The following PAPLN variants were observed in gnomAD, a reference collection of about 807,000 sequenced individuals.
PAPLN encodes papilin.
PAPLN carries 146 observed loss-of-function variants against 159.0 expected under a neutral mutation model. That is an observed-to-expected ratio of 0.92 (90% CI 0.80 to 1.05). PAPLN has a LOEUF of 1.05. Ranked by LOEUF, PAPLN falls within the 50% of genes least tolerant of loss-of-function variation. PAPLN has a pLI of 0.00. For missense variants in PAPLN, 1,720 were observed against 1,743.9 expected, an observed-to-expected ratio of 0.99 and a Z score of 0.24; for synonymous variants, 734 against 702.9, an observed-to-expected ratio of 1.04 and a Z score of -0.70.
chr14:73,255,189 C>G (rs1248208814), intron 14 of PAPLN, among the ~76,000 whole-genome samples, 171 bp downstream of exon 14: 1 of 152,202 alleles, frequency 6.6e-6, no homozygotes, highest in Non-Finnish European at 1.5e-5. Context: ...TAAGGCCCAC[C>G]TGGTGTGCAG....
rs757548513 is a variant in PAPLN at position 73,251,833 on chromosome 14, C to T, written c.840C>T (p.Ile280=). The T allele has an allele frequency of 6.3e-6, 10 of 1,593,628 alleles. No homozygotes were observed. The highest frequency in any genetic ancestry group is 2.2e-5 in the South Asian group (2 of 88,946). The part of the protein sequence containing the change: ...ARGPTSEPLV[I]ELISQEPNPG... ...GCCCCACCTCGGAGCCCCTGGTCAT[C>T]GAGGTAAATGGGGGTGTGGGGAGAG... Residue 280 remains isoleucine, a synonymous_variant, in exon 9 of 27, where the codon ATC becomes ATT. Coordinates refer to ENST00000644200, the MANE Select transcript of PAPLN (RefSeq NM_001365906.3).
In PAPLN at chr14:73,265,382, C is replaced by A; in HGVS notation, c.3138C>A (p.Asp1046Glu). Residue 1046 changes from aspartate to glutamate, a missense_variant, in exon 23 of 27, where the codon GAC becomes GAA. Asp to Glu is a conservative substitution (Grantham distance 45). Coordinates refer to ENST00000644200, the MANE Select transcript of PAPLN (RefSeq NM_001365906.3). The surrounding 1 kb of genome is among the most constrained non-coding windows in gnomAD (Gnocchi z 4.1). ...HPQPANRLRL[D>E]QNQPRVVDAS... ...GCTTGTTTGGCAGGCTGCGTTTGGA[C>A]CAGAACCAGCCCCGGGTGGTGGATG... 6 of 1,610,110 alleles carry A rather than the reference C, an allele frequency of 3.7e-6. No individual in the cohort carries two copies. The highest frequency in any genetic ancestry group is 4.2e-6 in the Non-Finnish European group (5 of 1,179,916).
At chr14:73,267,001 T>C (rs1344682852) in intron 25 of PAPLN, among the ~76,000 whole-genome samples, 170 bp downstream of exon 25, 1 of 152,194 alleles carries the variant, frequency 6.6e-6, no homozygotes, top group African/African-American at 2.4e-5. Context: ...AGCAAAGCTC[T>C]GTAGGGCCAC....
At chr14:73,263,537 C>A in intron 19 of PAPLN, 108 bp from the exon 20 acceptor site, 1 of 1,452,382 alleles carries the variant, frequency 6.9e-7, no homozygotes, top group South Asian at 1.2e-5. Context: ...CCCAAAAGTG[C>A]CTGTGACAGG....
intron 17 of PAPLN, 135 bp downstream of exon 17, chr14:73,260,964 T>C (rs1886513372): frequency 1.4e-6 from 2 of 1,411,948 alleles, no homozygotes; most frequent in African/African-American, 2.9e-5. Flanking sequence ...TGGGTCATCC[T>C]CTGGAGGGCA....
rs1290151022 is a variant in PAPLN at position 73,265,414 on chromosome 14, C to T, written c.3170C>T (p.Pro1057Leu). The change falls in exon 23 of 27, where the codon CCA (proline) becomes CTA (leucine). Residue 1057 changes from proline (P) to leucine (L), a missense_variant. Transcript: ENST00000644200. This position sits in a 1 kb window ranked among gnomAD's most constrained non-coding sequence, Gnocchi z 4.1. The stretch of plus-strand genomic sequence containing the variant: ...CAGCCCCGGGTGGTGGATGCCAGTC[C>T]AGGCCAGCGGATCCGGATGACCTGC... Reference protein sequence around the residue: ...QNQPRVVDASPGQRIRMTCRA... With the variant: ...QNQPRVVDASLGQRIRMTCRA... 6.2e-7 allele frequency: 1 copy of T among 1,612,520 alleles called. No individual in the cohort carries two copies. Among genetic ancestry groups the T allele is most frequent in the Admixed American group, 1.7e-5 (1 of 60,018 alleles).
At chr14:73,271,246 A>G (rs1594840633) in intron 26 of PAPLN, among the ~76,000 whole-genome samples, 1 of 152,178 alleles carries the variant, frequency 6.6e-6, no homozygotes, top group Non-Finnish European at 1.5e-5. Flanking sequence ...TTTAGAAACA[A>G]TATGCATTAA....
chr14:73,268,114 C>T (rs1887397262), intron 25 of PAPLN, among the ~76,000 whole-genome samples: 1 of 151,828 alleles, frequency 6.6e-6, no homozygotes, highest in South Asian at 2.1e-4. Flanking sequence ...ATTCTCCCTT[C>T]CCTCTGCTCC....
Position 73,261,377 on chromosome 14 carries a change from C to T in PAPLN, c.2245+83C>T, listed in dbSNP as rs182595187. 4.0e-6 allele frequency: 6 copies of T among 1,514,422 alleles called. No homozygotes were observed. The East Asian group carries it at 1.2e-4, about 29-fold the overall frequency. The allele number at this position is 1,514,422 out of a possible 1,614,324, so 93.8% of individuals were successfully genotyped here. ...TCCAGCCCCCACCCAGGACCAAAGACCTTCCTACCAGCTCAGTTATTCATT... is the reference window on the plus strand; with the variant it reads ...TCCAGCCCCCACCCAGGACCAAAGATCTTCCTACCAGCTCAGTTATTCATT... On this transcript the variant is annotated intron_variant, in intron 18 of 26. Coordinates refer to ENST00000644200, the MANE Select transcript of PAPLN (RefSeq NM_001365906.3).
chr14:73,250,480 G>A (rs1191006439), intron 6 of PAPLN, among the ~76,000 whole-genome samples: 2 of 152,184 alleles, frequency 1.3e-5, no homozygotes, highest in African/African-American at 4.8e-5. Context: ...TTCCCAGGAG[G>A]TGTGGAGGTG....
chr14:73,237,242 T>C (rs1883086515), upstream of PAPLN, among the ~76,000 whole-genome samples: 1 of 152,018 alleles, frequency 6.6e-6, no homozygotes, highest in African/African-American at 2.4e-5. Context: ...CTAGAAGGCT[T>C]GGGCAAGGGG....
chr14:73,244,962 C>T (rs1484340174), intron 3 of PAPLN: 3 of 486,954 alleles, frequency 6.2e-6, no homozygotes, highest in Non-Finnish European at 1.1e-5. Flanking sequence ...TGAGCTGGAG[C>T]ACGCGTGCTG....
intron 17 of PAPLN, 65 bp from the exon 18 acceptor site, chr14:73,261,091 A>C: frequency 6.2e-7 from 1 of 1,612,782 alleles, no homozygotes; most frequent in Non-Finnish European, 8.5e-7. Context: ...TCCCCGTGGC[A>C]GCCCAGAGTC....
chr14:73,265,154 T>G lies in PAPLN; in HGVS notation c.3126-216T>G, dbSNP rs528179574. Among the ~76,000 whole-genome samples the G allele has an allele frequency of 2.9e-4, 44 of 151,342 alleles. 1 individual carries two copies. In the South Asian group the frequency reaches 9.0e-3, roughly 31 times the overall value. On this transcript the variant is annotated intron_variant, in intron 22 of 26. Transcript: ENST00000644200. This position sits in a 1 kb window ranked among gnomAD's most constrained non-coding sequence, Gnocchi z 4.1. ...GGTGGGTGTGTCTGGCCAGCTGTGG[T>G]GGAGGGGCAGGGAGTGGTAGTGGCG...
chr14:73,271,503 A>G (rs918503849), intron 26 of PAPLN, among the ~76,000 whole-genome samples: 2 of 143,702 alleles, frequency 1.4e-5, no homozygotes, highest in African/African-American at 5.1e-5. Context: ...GTAGAATGAA[A>G]TTTTTTTTTT....
intron 2 of PAPLN, 73 bp downstream of exon 2, chr14:73,239,905 G>A: frequency 3.4e-6 from 5 of 1,481,304 alleles, no homozygotes; most frequent in Non-Finnish European, 4.5e-6. Flanking sequence ...CGGGCCCGCA[G>A]GCAACGTCCC....
At chr14:73,268,857 T>G in intron 26 of PAPLN, 134 bp downstream of exon 26, 1 of 1,145,832 alleles carries the variant, frequency 8.7e-7, no homozygotes, top group Non-Finnish European at 1.2e-6. Flanking sequence ...GTAGTGTGAC[T>G]TGGGGCAAGG....
intron 25 of PAPLN, among the ~76,000 whole-genome samples, chr14:73,267,580 C>T (rs145501302): frequency 5.3e-5 from 8 of 152,330 alleles, no homozygotes; most frequent in Admixed American, 4.6e-4. Flanking sequence ...GAGGAAGCAG[C>T]AAGTGCCAAA....
rs373426338 is a variant in PAPLN at position 73,265,385 on chromosome 14, G to A, written c.3141G>A (p.Gln1047=). 1.9e-6 allele frequency: 3 copies of A among 1,610,310 alleles called. No individual in the cohort carries two copies. Among genetic ancestry groups the A allele is most frequent in the Non-Finnish European group, 2.5e-6 (3 of 1,179,958 alleles). The part of the protein sequence containing the change: ...PQPANRLRLD[Q]NQPRVVDASP... ...TGTTTGGCAGGCTGCGTTTGGACCA[G>A]AACCAGCCCCGGGTGGTGGATGCCA... Residue 1047 remains glutamine (Q), a synonymous_variant, in exon 23 of 27, where the codon CAG becomes CAA. Coordinates refer to ENST00000644200, the MANE Select transcript of PAPLN (RefSeq NM_001365906.3). This position sits in a 1 kb window ranked among gnomAD's most constrained non-coding sequence, Gnocchi z 4.1.
Sources: allele counts gnomAD v4.1 joint callset (sites outside exome capture counted in the v4.1 genomes callset), GRCh38; gene constraint gnomAD v4.1.1; non-coding constraint Gnocchi (gnomAD v3.1); transcripts MANE v1.5; gene names NCBI Gene and HGNC (gene_info 2026-07-23, HGNC 2026-07-21).